The following CNTNAP5 variants were observed in gnomAD, a reference collection of about 807,000 sequenced individuals.
The protein encoded by CNTNAP5 is contactin-associated protein-like 5.
Under a neutral mutation model 150.2 loss-of-function variants are expected in CNTNAP5, and 72 were observed. The observed-to-expected ratio is 0.48, with a 90% confidence interval of 0.40 to 0.58. The LOEUF (loss-of-function observed/expected upper bound fraction) is 0.58, where lower values mean the gene tolerates loss of function less well. CNTNAP5 is among the 20% of genes least tolerant of loss of function. The pLI, the probability that CNTNAP5 is intolerant of heterozygous loss-of-function variation, is 0.00. For synonymous variants in CNTNAP5, 672 were observed against 619.8 expected, an observed-to-expected ratio of 1.08 and a Z score of -1.25; for missense variants, 1,636 against 1,626.2, an observed-to-expected ratio of 1.01 and a Z score of -0.10.
chr2:124,432,060 T>C (rs1402889672), intron 4 of CNTNAP5, among the ~76,000 whole-genome samples: 1 of 152,160 alleles, frequency 6.6e-6, no homozygotes, highest in Non-Finnish European at 1.5e-5. Flanking sequence ...AGTGGTGGTA[T>C]GAGTGAGTGG....
chr2:124,456,295 C>T (rs1376892532), intron 6 of CNTNAP5, among the ~76,000 whole-genome samples: 1 of 151,784 alleles, frequency 6.6e-6, no homozygotes, highest in Non-Finnish European at 1.5e-5. Context: ...GAACTCAGCC[C>T]CTTTTACAAT....
At chr2:124,659,292 G>T (rs750093953) in intron 13 of CNTNAP5, among the ~76,000 whole-genome samples, 2 of 152,170 alleles carry the variant, frequency 1.3e-5, no homozygotes, top group Non-Finnish European at 2.9e-5. Flanking sequence ...TTACGTGTGT[G>T]TGTCAGATCA....
At position 124,608,619 on chromosome 2, in the gene CNTNAP5, T is replaced by C. The variant is rs1558702726; in HGVS notation, c.1757-1182T>C. 2.0e-5 allele frequency among the ~76,000 whole-genome samples: 3 copies of C among 152,114 alleles called. No individual in the cohort carries two copies. The East Asian group carries it at 5.8e-4, about 29-fold the overall frequency. On this transcript the variant is annotated intron_variant, in intron 11 of 23. Transcript: ENST00000682447. ...AACTTCGTTGTGCACTTACTACATG[T>C]TATGTACTATACTTAGTACTAGGTA...
At chr2:124,627,618 T>C (rs1295270718) in intron 12 of CNTNAP5, among the ~76,000 whole-genome samples, 1 of 150,986 alleles carries the variant, frequency 6.6e-6, no homozygotes, top group Non-Finnish European at 1.5e-5. Flanking sequence ...GAAAAACCAA[T>C]GCAGAAACAC....
chr2:124,072,394 G>A (rs1682328804), intron 1 of CNTNAP5, among the ~76,000 whole-genome samples: 1 of 151,834 alleles, frequency 6.6e-6, no homozygotes, highest in Non-Finnish European at 1.5e-5. Context: ...AATCAAACAA[G>A]GGAAAGAAAT....
At position 124,711,848 on chromosome 2, in the gene CNTNAP5, AC is replaced by A. The variant is rs1461846269; in HGVS notation, c.2078-35380del. On this transcript the variant is annotated intron_variant, in intron 13 of 23. Coordinates refer to ENST00000682447, the MANE Select transcript of CNTNAP5 (RefSeq NM_001367498.1). Reference sequence around the variant, plus strand: ...AGAGCAATACTCTGTCTCAAAAAAAACAATAACAATAATTTATATTTGGACA... The same window carrying A: ...AGAGCAATACTCTGTCTCAAAAAAAAAATAACAATAATTTATATTTGGACA... Among the ~76,000 whole-genome samples the A allele has an allele frequency of 2.0e-5, 3 of 152,242 alleles. No individual in the cohort carries two copies. The East Asian group carries it at 5.8e-4, about 29-fold the overall frequency.
chr2:124,152,893 A>G (rs1684439288), intron 1 of CNTNAP5, among the ~76,000 whole-genome samples: 1 of 152,178 alleles, frequency 6.6e-6, no homozygotes, highest in Non-Finnish European at 1.5e-5. Context: ...AGACAGGCAA[A>G]TGAAAATCAT....
intron 8 of CNTNAP5, among the ~76,000 whole-genome samples, chr2:124,508,763 T>A: frequency 6.6e-6 from 1 of 152,242 alleles, no homozygotes; most frequent in East Asian, 1.9e-4. Context: ...TTTGGAAAAT[T>A]TGAACTTAAT....
chr2:124,688,982 A>G (rs1454135), intron 13 of CNTNAP5, among the ~76,000 whole-genome samples: 40,163 of 152,098 alleles, frequency 0.26, 6,081 homozygotes, highest in Non-Finnish European at 0.34. Flanking sequence ...ATAATTATAC[A>G]AGGATAATGT....
chr2:124,268,698 A>C (rs747832746), intron 3 of CNTNAP5, among the ~76,000 whole-genome samples: 4 of 152,154 alleles, frequency 2.6e-5, no homozygotes, highest in Non-Finnish European at 5.9e-5. Context: ...CCATCCTTCA[A>C]GTCACTGGGG....
At chr2:124,046,576 A>G (rs1681544370) in intron 1 of CNTNAP5, among the ~76,000 whole-genome samples, 1 of 152,186 alleles carries the variant, frequency 6.6e-6, no homozygotes, top group Admixed American at 6.6e-5. Context: ...AGGTGGCTGA[A>G]GTATTCATTT....
chr2:124,262,889 C>A (rs1490663599), intron 3 of CNTNAP5, among the ~76,000 whole-genome samples: 1 of 148,948 alleles, frequency 6.7e-6, no homozygotes, highest in East Asian at 2.0e-4. Context: ...TATGAGTGAG[C>A]ACATGTGGTG....
intron 19 of CNTNAP5, among the ~76,000 whole-genome samples, chr2:124,858,207 C>A (rs1170186843): frequency 1.3e-5 from 2 of 151,982 alleles, no homozygotes; most frequent in African/African-American, 2.4e-5. Flanking sequence ...CTGGCCAGGG[C>A]AATCAGGCAG....
At chr2:124,573,307 C>T (rs1040951518) in intron 11 of CNTNAP5, among the ~76,000 whole-genome samples, 1 of 152,178 alleles carries the variant, frequency 6.6e-6, no homozygotes, top group African/African-American at 2.4e-5. Flanking sequence ...GAGAGTTTCC[C>T]TCAGTCATAT....
chr2:124,344,677 G>T (rs896167436), intron 3 of CNTNAP5, among the ~76,000 whole-genome samples: 1 of 152,102 alleles, frequency 6.6e-6, no homozygotes, highest in Non-Finnish European at 1.5e-5. Flanking sequence ...GATCTCTTGG[G>T]CCCAGAAGTT....
At chr2:124,179,455 C>T (rs889527844) in intron 1 of CNTNAP5, among the ~76,000 whole-genome samples, 6 of 152,248 alleles carry the variant, frequency 3.9e-5, no homozygotes, top group South Asian at 2.1e-4. Flanking sequence ...GCATCATGCC[C>T]GGCCTAACTT....
intron 12 of CNTNAP5, among the ~76,000 whole-genome samples, chr2:124,643,671 T>G (rs779204079): frequency 6.6e-6 from 1 of 152,044 alleles, no homozygotes; most frequent in African/African-American, 2.4e-5. Context: ...ATGCTTAGAG[T>G]CTTTACTCAT....
chr2:124,746,523 T>C (rs1008622648), intron 13 of CNTNAP5, among the ~76,000 whole-genome samples: 2 of 152,156 alleles, frequency 1.3e-5, no homozygotes, highest in Admixed American at 1.3e-4. Context: ...CCCCCAAATC[T>C]TTGAGCTTAG....
intron 1 of CNTNAP5, among the ~76,000 whole-genome samples, chr2:124,030,863 A>G (rs1359406029): frequency 6.6e-6 from 1 of 152,134 alleles, no homozygotes; most frequent in Non-Finnish European, 1.5e-5. Flanking sequence ...TGAAAGGCAC[A>G]TGTTGACATG....
Sources: gnomAD v4.1 joint callset for allele counts (sites outside exome capture counted in the v4.1 genomes callset) on GRCh38, gnomAD v4.1.1 for gene constraint, MANE v1.5 for transcripts, NCBI Gene and HGNC (gene_info 2026-07-23, HGNC 2026-07-21) for gene names.